CELF2: variants seen among roughly 807,000 people sequenced by gnomAD.
The protein encoded by CELF2 is CUGBP Elav-like family member 2.
Under a neutral mutation model 62.6 loss-of-function variants are expected in CELF2, and 8 were observed. That is an observed-to-expected ratio of 0.13 (90% CI 0.07 to 0.23). The LOEUF is 0.23. CELF2 is among the 10% of genes least tolerant of loss of function. CELF2 has a pLI of 1.00. For synonymous variants in CELF2, 258 were observed against 250.0 expected (o/e 1.03, Z -0.30); for missense variants, 333 against 671.0 (o/e 0.50, Z 5.56).
chr10:10,792,007 G>A, the CELF2 span, among the ~76,000 whole-genome samples: 1 of 150,470 alleles, frequency 6.6e-6, no homozygotes, highest in Admixed American at 6.7e-5. Context: ...GAAGGGAGAA[G>A]GAAGGAGGGA....
At chr10:10,561,488 G>A in the CELF2 span, among the ~76,000 whole-genome samples, 5 of 152,212 alleles carry the variant, frequency 3.3e-5, no homozygotes, top group Admixed American at 2.0e-4. Context: ...TCTTCATGGA[G>A]TTTACATTTT....
intron 2 of CELF2, among the ~76,000 whole-genome samples, chr10:10,999,845 C>T (rs2054344222): frequency 6.6e-6 from 1 of 152,178 alleles, no homozygotes; most frequent in South Asian, 2.1e-4. Context: ...CCCAAGTGCA[C>T]CAAAGGTCAT....
intron 1 of CELF2, among the ~76,000 whole-genome samples, chr10:11,055,947 A>G (rs1396693279): frequency 6.6e-6 from 1 of 152,238 alleles, no homozygotes; most frequent in Non-Finnish European, 1.5e-5. Flanking sequence ...AAAGCTTTAA[A>G]AGCAGATAGG....
At chr10:11,245,429 T>C (rs2075306241) in intron 3 of CELF2, among the ~76,000 whole-genome samples, 1 of 152,254 alleles carries the variant, frequency 6.6e-6, no homozygotes, top group Non-Finnish European at 1.5e-5. Context: ...GTCACAGTGC[T>C]TTGCATACAT....
At chr10:11,029,843 G>A (rs2059820527) in intron 1 of CELF2, among the ~76,000 whole-genome samples, 1 of 152,176 alleles carries the variant, frequency 6.6e-6, no homozygotes, top group African/African-American at 2.4e-5. Context: ...AACTTTATAG[G>A]CAGACTTTCA....
rs35482385 is a variant in CELF2, at chr10:10,979,672, C to CAAAAA, written c.89+59694_89+59698dup. 6.7e-4 allele frequency among the ~76,000 whole-genome samples: 46 copies of CAAAAA among 68,962 alleles called. 2 individuals are homozygous for CAAAAA. The highest frequency in any genetic ancestry group is 2.0e-3 in the African/African-American group (43 of 21,218). 45.2% of individuals were successfully genotyped at this position (68,962 alleles called of 152,430 possible). A position where few individuals can be genotyped will look rare whatever the true frequency, so the allele number is the denominator to read the frequency against. On this transcript the variant is annotated intron_variant, in intron 2 of 13. Coordinates refer to the CELF2 transcript ENST00000636488. Reference sequence around the variant, plus strand: ...GGCGATAGAGCCAGACCTTGTCTCTCAAAAAAAAAAAAAAAAAAAAAAAAA... The same window carrying CAAAAA: ...GGCGATAGAGCCAGACCTTGTCTCTCAAAAAAAAAAAAAAAAAAAAAAAAAAAAAA...
rs2050536641 is a variant in CELF2 at position 11,098,485 on chromosome 10, G to C, written c.75-67001G>C. Reference sequence around the variant, plus strand: ...TAACAGTTCTTCAGCCTTGAAAAAGGAATCACAGAGGAAAGGGCAGTTAGG... The same window carrying C: ...TAACAGTTCTTCAGCCTTGAAAAAGCAATCACAGAGGAAAGGGCAGTTAGG... On this transcript the variant is annotated intron_variant, in intron 1 of 12. Coordinates refer to ENST00000633077, the MANE Select transcript of CELF2 (RefSeq NM_001326342.2). This position sits in a 1 kb window ranked among gnomAD's most constrained non-coding sequence, Gnocchi z 4.0. 6.6e-6 allele frequency: 1 copy of C among 152,196 alleles called. No individual in the cohort carries two copies. The highest frequency in any genetic ancestry group is 6.5e-5 in the Admixed American group (1 of 15,274). 9.4% of individuals were successfully genotyped at this position (152,196 alleles called of 1,614,324 possible). A position where few individuals can be genotyped will look rare whatever the true frequency, so the allele number is the denominator to read the frequency against.
At chr10:10,579,350 G>A in the CELF2 span, among the ~76,000 whole-genome samples, 1 of 152,102 alleles carries the variant, frequency 6.6e-6, no homozygotes, top group Admixed American at 6.6e-5. Flanking sequence ...TGGTCTTCAT[G>A]GTACTCATTG....
intron 1 of CELF2, among the ~76,000 whole-genome samples, chr10:11,038,203 G>C (rs530800562): frequency 6.6e-6 from 1 of 152,224 alleles, no homozygotes; most frequent in Non-Finnish European, 1.5e-5. Flanking sequence ...AGGAGCTGAG[G>C]TCAGCGTTCA....
intron 1 of CELF2, among the ~76,000 whole-genome samples, chr10:11,088,564 C>CGGCGTGCGTACCCCTGCTCACCT (rs55706560): frequency 9.2e-5 from 14 of 151,980 alleles, no homozygotes; most frequent in Non-Finnish European, 1.9e-4. Flanking sequence ...CTAGCAGAGC[C>CGGCGTGCGTACCCCTGCTCACCT]GGATTTCTCA....
chr10:11,001,142 A>C (rs2054479598), upstream of CELF2, among the ~76,000 whole-genome samples: 1 of 152,234 alleles, frequency 6.6e-6, no homozygotes, highest in Non-Finnish European at 1.5e-5. Context: ...TCATTGCTTC[A>C]TATTTACTTA....
rs2058030301 is a variant in CELF2 at position 11,197,052 on chromosome 10, A to AGAAAGAAAGAAGGAAAGAAAGAAAGAAG, written c.272-20365_272-20364insGAAGGAAAGAAAGAAAGAAGGAAAGAAA. ...AAGAAAGAAAGAAAGAAAGAAAGAAAGAAAGAAAAGAAAGAAAGGAAAGAA... is the reference window on the plus strand; with the variant it reads ...AAGAAAGAAAGAAAGAAAGAAAGAAAGAAAGAAAGAAGGAAAGAAAGAAAGAAGGAAAGAAAAGAAAGAAAGGAAAGAA... On this transcript the variant is annotated intron_variant, in intron 2 of 12. Coordinates refer to ENST00000633077, the MANE Select transcript of CELF2 (RefSeq NM_001326342.2). 3.5e-4 allele frequency among the ~76,000 whole-genome samples: 11 copies of AGAAAGAAAGAAGGAAAGAAAGAAAGAAG among 31,688 alleles called. 2 individuals are homozygous for AGAAAGAAAGAAGGAAAGAAAGAAAGAAG. Among genetic ancestry groups the AGAAAGAAAGAAGGAAAGAAAGAAAGAAG allele is most frequent in the African/African-American group, 1.3e-3 (10 of 7,830 alleles). 20.8% of individuals were successfully genotyped at this position (31,688 alleles called of 152,430 possible). A position where few individuals can be genotyped will look rare whatever the true frequency, so the allele number is the denominator to read the frequency against.
rs1379467704 is a variant in CELF2, at chr10:11,332,894, G to A, written c.*3841G>A. 2 of 152,600 alleles carry A rather than the reference G, an allele frequency of 1.3e-5. No individual in the cohort carries two copies. Among genetic ancestry groups the A allele is most frequent in the Non-Finnish European group, 2.9e-5 (2 of 68,038 alleles). The allele number at this position is 152,600 out of a possible 1,614,324, so 9.5% of individuals were successfully genotyped here. A position where few individuals can be genotyped will look rare whatever the true frequency, so the allele number is the denominator to read the frequency against. ...TATTTTGTACTTTCTGCAGCAATCA[G>A]CTTAATAACAACACTTATTGCACCT... On this transcript the variant is annotated 3_prime_UTR_variant, in exon 13 of 13. Coordinates refer to ENST00000633077, the MANE Select transcript of CELF2 (RefSeq NM_001326342.2).
chr10:10,871,705 A>T (rs1047906888), intron 1 of CELF2, among the ~76,000 whole-genome samples: 2 of 152,190 alleles, frequency 1.3e-5, no homozygotes, highest in African/African-American at 4.8e-5. Context: ...GGATGGAACC[A>T]GGGGACGTAA....
the CELF2 span, among the ~76,000 whole-genome samples, chr10:10,774,214 A>T: frequency 6.6e-6 from 1 of 152,226 alleles, no homozygotes; most frequent in Non-Finnish European, 1.5e-5. Context: ...AACACGAGAG[A>T]TGGGGCCCCT....
chr10:11,205,419 A>G (rs2060207622), intron 2 of CELF2, among the ~76,000 whole-genome samples: 2 of 152,246 alleles, frequency 1.3e-5, no homozygotes, highest in African/African-American at 4.8e-5. Flanking sequence ...TTAAATTTAA[A>G]GTGGACAATA....
intron 1 of CELF2, among the ~76,000 whole-genome samples, chr10:11,063,920 G>T (rs185364343): frequency 1.3e-5 from 2 of 152,142 alleles, no homozygotes; most frequent in African/African-American, 2.4e-5. Flanking sequence ...TGCCTTTTGC[G>T]TTCTGCATGG....
chr10:11,264,754 C>G (rs2081672661), intron 5 of CELF2, among the ~76,000 whole-genome samples: 1 of 152,192 alleles, frequency 6.6e-6, no homozygotes, highest in Admixed American at 6.5e-5. Context: ...GAGAAGGCCA[C>G]TAAATTGCTG....
At chr10:10,740,557 G>A in the CELF2 span, among the ~76,000 whole-genome samples, 22,499 of 151,952 alleles carry the variant, frequency 0.15, 1,902 homozygotes, top group Non-Finnish European at 0.18. Context: ...CCACTTCCAG[G>A]TTTATCTCCC....
Sources: allele counts gnomAD v4.1 joint callset (sites outside exome capture counted in the v4.1 genomes callset), GRCh38; gene constraint gnomAD v4.1.1; non-coding constraint Gnocchi (gnomAD v3.1); transcripts MANE v1.5; gene names NCBI Gene and HGNC (gene_info 2026-07-23, HGNC 2026-07-21).